The following MATN2 variants were observed in gnomAD, a reference collection of about 807,000 sequenced individuals.
MATN2 encodes the protein matrilin 2, also known as matrilin-2.
A neutral mutation model predicts 103.2 loss-of-function variants in MATN2; 69 were observed. That is an observed-to-expected ratio of 0.67 (90% CI 0.55 to 0.82). The LOEUF is 0.82. Among genes scored for constraint, MATN2 ranks in the 40% least tolerant of loss-of-function variants. The pLI, the probability that MATN2 is intolerant of heterozygous loss-of-function variation, is 0.00. For synonymous variants in MATN2, 429 were observed against 450.2 expected (o/e 0.95, Z 0.60); for missense variants, 1,023 against 1,211.5 (o/e 0.84, Z 2.31).
At chr8:97,926,816 C>T (rs1810003581) in intron 2 of MATN2, among the ~76,000 whole-genome samples, 1 of 152,216 alleles carries the variant, frequency 6.6e-6, no homozygotes, top group African/African-American at 2.4e-5. Context: ...CAATCTCTTT[C>T]CCTGAAGACT....
At chr8:97,889,459 C>CTACATATATATATATATATATA (rs1554598918) in intron 2 of MATN2, among the ~76,000 whole-genome samples, 1 of 123,366 alleles carries the variant, frequency 8.1e-6, no homozygotes, top group East Asian at 2.9e-4. Flanking sequence ...CTCTCTCTGT[C>CTACATATATATATATATATATA]TATATATATA....
rs1818681366 is a variant in MATN2 at position 97,892,980 on chromosome 8, C to T, written c.142+4738C>T. On this transcript the variant is annotated intron_variant, in intron 2 of 18. Coordinates refer to ENST00000254898, the MANE Select transcript of MATN2 (RefSeq NM_002380.5). ...CCGATGTGGCGCTGGGTCTGCCAGA[C>T]AGGTGGTCTGAGCTGGAGATAAGGC... 2.0e-5 allele frequency among the ~76,000 whole-genome samples: 3 copies of T among 152,146 alleles called. No homozygotes were observed. The South Asian group carries it at 6.2e-4, about 32-fold the overall frequency.
intron 6 of MATN2, among the ~76,000 whole-genome samples, chr8:97,981,386 C>A (rs945932212): frequency 1.3e-5 from 2 of 151,984 alleles, no homozygotes; most frequent in South Asian, 4.1e-4. Context: ...TTATGGTCAT[C>A]ATGAGCCACC....
Position 97,880,802 on chromosome 8 carries a change from C to T in MATN2, c.-26-7273C>T, listed in dbSNP as rs190194117. Among the ~76,000 whole-genome samples the T allele has an allele frequency of 6.6e-5, 10 of 152,272 alleles. No homozygotes were observed. The East Asian group carries it at 1.2e-3, about 18-fold the overall frequency. Reference sequence around the variant, plus strand: ...TTCACCATGTTGTCCAGGCTGGTCTCGAAATCCTGGCCTCAAGTGATGCAT... The same window carrying T: ...TTCACCATGTTGTCCAGGCTGGTCTTGAAATCCTGGCCTCAAGTGATGCAT... On this transcript the variant is annotated intron_variant, in intron 1 of 18. Coordinates refer to ENST00000254898, the MANE Select transcript of MATN2 (RefSeq NM_002380.5).
chr8:98,034,109 T>A (rs1002082668), intron 18 of MATN2: 6 of 453,466 alleles, frequency 1.3e-5, no homozygotes, highest in African/African-American at 1.2e-4. Context: ...CACAGCCACA[T>A]ATAGATTCAG....
chr8:98,032,065 G>C (rs936896842), intron 15 of MATN2, 181 bp from the exon 16 acceptor site: 2 of 552,032 alleles, frequency 3.6e-6, no homozygotes, highest in East Asian at 3.0e-5. Context: ...AATTGCCCTA[G>C]AGTGGTCATA....
chr8:98,014,762 T>C (rs1813303560), intron 10 of MATN2, among the ~76,000 whole-genome samples: 1 of 152,196 alleles, frequency 6.6e-6, no homozygotes, highest in African/African-American at 2.4e-5. Context: ...ACAGCTGCCT[T>C]AACTAACCCA....
rs1813977516 is a variant in MATN2, at chr8:98,030,573, T to C, written c.2468T>C (p.Met823Thr). ...HLFYAEDFST[M>T]DEISEKLKKG... ...TTCTATGCCGAAGACTTCAGCACAA[T>C]GGATGAGATAAGTGAAAAACTCAAG... Residue 823 changes from methionine (M) to threonine (T), a missense_variant, in exon 15 of 19, where the codon ATG becomes ACG. By Grantham distance (81) the Met-to-Thr change is moderately conservative (BLOSUM62 -1). Transcript: ENST00000254898. 1.2e-6 allele frequency: 2 copies of C among 1,613,960 alleles called. No individual in the cohort carries two copies. The highest frequency in any genetic ancestry group is 1.7e-6 in the Non-Finnish European group (2 of 1,179,884).
At chr8:98,022,471 T>G (rs779920951) in intron 13 of MATN2, among the ~76,000 whole-genome samples, 1 of 152,172 alleles carries the variant, frequency 6.6e-6, no homozygotes, top group Non-Finnish European at 1.5e-5. Flanking sequence ...TTAGAAAGAA[T>G]TAAGCAGCAT....
In MATN2 at chr8:97,998,642, TA is replaced by T. The variant is rs202074702; in HGVS notation, c.1204+4041del. Reference sequence around the variant, plus strand: ...TGCTGCTGAAGCGAGAGCTTCAGCATATTTTTTTATATTTTTAAAATTTTAA... The same window carrying T: ...TGCTGCTGAAGCGAGAGCTTCAGCATTTTTTTTATATTTTTAAAATTTTAA... On this transcript the variant is annotated intron_variant, in intron 7 of 18. Transcript: ENST00000254898. Among the ~76,000 whole-genome samples, 1,286 of 150,922 alleles carry T rather than the reference TA, an allele frequency of 8.5e-3. 21 individuals are homozygous for T. The highest frequency in any genetic ancestry group is 0.029 in the African/African-American group (1,219 of 41,440).
chr8:97,933,678 C>T (rs757868302), intron 3 of MATN2, among the ~76,000 whole-genome samples: 5 of 152,126 alleles, frequency 3.3e-5, no homozygotes, highest in Admixed American at 1.3e-4. Flanking sequence ...AATCTGGAAG[C>T]TCTAAGAAAA....
intron 5 of MATN2, 121 bp from the exon 6 acceptor site, chr8:97,978,765 A>G (rs568938362): frequency 9.3e-5 from 90 of 963,148 alleles, no homozygotes; most frequent in Non-Finnish European, 1.4e-4. Flanking sequence ...TGTTTATCCT[A>G]CTCTTTTGGG....
At chr8:97,967,792 G>T (rs939050174) in intron 5 of MATN2, among the ~76,000 whole-genome samples, 1 of 152,218 alleles carries the variant, frequency 6.6e-6, no homozygotes, top group East Asian at 1.9e-4. Flanking sequence ...ACCATTCTCA[G>T]GTCTGGAGGG....
At chr8:97,911,886 CTTAT>C (rs1270840991) in intron 2 of MATN2, among the ~76,000 whole-genome samples, 1 of 152,136 alleles carries the variant, frequency 6.6e-6, no homozygotes, top group Non-Finnish European at 1.5e-5. Flanking sequence ...ACAATAAAGG[CTTAT>C]TTGACTCTTA....
chr8:98,010,692 C>T (rs1240199193), intron 10 of MATN2, among the ~76,000 whole-genome samples: 2 of 152,192 alleles, frequency 1.3e-5, no homozygotes, highest in Admixed American at 1.3e-4. Context: ...GCCCCAGAGA[C>T]ACACAACTCT....
At chr8:97,947,077 A>G (rs1411719090) in intron 4 of MATN2, among the ~76,000 whole-genome samples, 2 of 152,222 alleles carry the variant, frequency 1.3e-5, no homozygotes, top group Admixed American at 6.5e-5. Context: ...CAATCAATAT[A>G]ATTAATCATA....
intron 3 of MATN2, among the ~76,000 whole-genome samples, chr8:97,940,182 G>T (rs1810507477): frequency 6.6e-6 from 1 of 152,186 alleles, no homozygotes; most frequent in Non-Finnish European, 1.5e-5. Flanking sequence ...GCTCATGTCT[G>T]TGATCCTAAC....
chr8:97,944,752 C>T (rs2130194738), intron 4 of MATN2, among the ~76,000 whole-genome samples: 1 of 152,318 alleles, frequency 6.6e-6, no homozygotes, highest in East Asian at 1.9e-4. Flanking sequence ...CTGACCCCTG[C>T]TGATGAGCAG....
At chr8:97,882,846 C>T (rs909613814) in intron 1 of MATN2, among the ~76,000 whole-genome samples, 17 of 151,936 alleles carry the variant, frequency 1.1e-4, no homozygotes, top group African/African-American at 2.2e-4. Flanking sequence ...TTTGTTGTGG[C>T]GTCTTATTGT....
Sources: gnomAD v4.1 joint callset for allele counts (sites outside exome capture counted in the v4.1 genomes callset) on GRCh38, gnomAD v4.1.1 for gene constraint, MANE v1.5 for transcripts, NCBI Gene and HGNC (gene_info 2026-07-23, HGNC 2026-07-21) for gene names.